The following SPIRE1 variants were observed in gnomAD, a reference collection of about 807,000 sequenced individuals.
SPIRE1 encodes the protein protein spire homolog 1.
SPIRE1 carries 40 observed loss-of-function variants against 94.1 expected under a neutral mutation model. The ratio of observed to expected loss-of-function variants is 0.43; its 90% CI spans 0.33 to 0.55. SPIRE1 has a LOEUF of 0.55. Among genes scored for constraint, SPIRE1 ranks in the 20% least tolerant of loss-of-function variants. The pLI is 0.06. For synonymous variants in SPIRE1, 376 were observed against 371.7 expected, an observed-to-expected ratio of 1.01 and a Z score of -0.13; for missense variants, 838 against 975.2, an observed-to-expected ratio of 0.86 and a Z score of 1.87.
At chr18:12,582,729 A>C (rs1409119324) in intron 2 of SPIRE1, among the ~76,000 whole-genome samples, 2 of 152,240 alleles carry the variant, frequency 1.3e-5, no homozygotes, top group African/African-American at 4.8e-5. Flanking sequence ...CCAGGTTATC[A>C]GTATTTTTTA....
intron 12 of SPIRE1, among the ~76,000 whole-genome samples, chr18:12,461,227 A>G (rs1039464660): frequency 5.3e-5 from 8 of 152,190 alleles, no homozygotes; most frequent in African/African-American, 1.9e-4. Context: ...CTAAGCTGAT[A>G]GTTCCTTTAC....
chr18:12,479,931 G>GGTAAC, intron 9 of SPIRE1, 60 bp from the exon 10 acceptor site: 42 of 1,502,116 alleles, frequency 2.8e-5, no homozygotes, highest in Non-Finnish European at 3.8e-5. Flanking sequence ...TGTGTTGGAA[G>GGTAAC]CATACCAGGT....
chr18:12,621,285 A>G, intron 2 of SPIRE1, among the ~76,000 whole-genome samples: 1 of 152,216 alleles, frequency 6.6e-6, no homozygotes. Flanking sequence ...ATGTCAAAAG[A>G]TAGAGTTACT....
chr18:12,515,034 G>A (rs2034156328), intron 4 of SPIRE1, among the ~76,000 whole-genome samples: 2 of 151,964 alleles, frequency 1.3e-5, no homozygotes, highest in African/African-American at 4.8e-5. Flanking sequence ...TGGAATGTGG[G>A]GTGGGGCTGA....
rs1192058736 is a variant in SPIRE1, at chr18:12,519,379, C to T, written c.730-6848G>A. On this transcript the variant is annotated intron_variant, in intron 4 of 16. Coordinates refer to ENST00000409402, the MANE Select transcript of SPIRE1 (RefSeq NM_001128626.2). ...ACGCACACACACACACGCAAACACT[C>T]TCTCTCTAACAAATGTCTCTGCTCT... Among the ~76,000 whole-genome samples, 3 of 150,354 alleles carry T rather than the reference C, an allele frequency of 2.0e-5. No homozygotes were observed. The South Asian group carries it at 6.2e-4, about 31-fold the overall frequency.
intron 2 of SPIRE1, among the ~76,000 whole-genome samples, chr18:12,548,305 A>G (rs2035231979): frequency 6.6e-6 from 1 of 152,226 alleles, no homozygotes; most frequent in South Asian, 2.1e-4. Flanking sequence ...CATCACAAAT[A>G]AAAAAGAAAG....
chr18:12,454,561 C>A lies in SPIRE1; in HGVS notation c.1639-78G>T. The A allele has an allele frequency of 7.4e-6, 10 of 1,344,904 alleles. No individual in the cohort carries two copies. In the South Asian group the frequency reaches 1.2e-4, roughly 16 times the overall value. The allele number at this position is 1,344,904 out of a possible 1,614,324, so 83.3% of individuals were successfully genotyped here. A position where few individuals can be genotyped will look rare whatever the true frequency, so the allele number is the denominator to read the frequency against. The stretch of plus-strand genomic sequence containing the variant: ...GTGCAAAATTTCCCTTCAGATCAGA[C>A]CCCTGATTAGTAGCTTCAGAGAAGA... On this transcript the variant is annotated intron_variant, in intron 12 of 16. Transcript: ENST00000409402.
intron 1 of SPIRE1, among the ~76,000 whole-genome samples, chr18:12,650,794 G>C (rs1261292386): frequency 6.7e-6 from 1 of 149,822 alleles, no homozygotes; most frequent in African/African-American, 2.5e-5. Flanking sequence ...TGGGAGGATT[G>C]CTTGAATCTG....
chr18:12,469,747 TATA>T (rs2143665838), intron 10 of SPIRE1, among the ~76,000 whole-genome samples: 1 of 144,730 alleles, frequency 6.9e-6, no homozygotes, highest in African/African-American at 2.5e-5. Flanking sequence ...TTATATATAA[TATA>T]ATTATATATA....
At chr18:12,548,240 C>T (rs1262673852) in intron 2 of SPIRE1, among the ~76,000 whole-genome samples, 1 of 152,174 alleles carries the variant, frequency 6.6e-6, no homozygotes, top group East Asian at 1.9e-4. Flanking sequence ...TAAATAAAAT[C>T]TTTCATTTTC....
At chr18:12,615,948 C>T (rs2037296120) in intron 2 of SPIRE1, among the ~76,000 whole-genome samples, 1 of 152,162 alleles carries the variant, frequency 6.6e-6, no homozygotes, top group South Asian at 2.1e-4. Context: ...TCATGAGTTG[C>T]AGAATTCTCT....
chr18:12,573,897 G>A (rs563316062), intron 2 of SPIRE1, among the ~76,000 whole-genome samples: 2 of 152,084 alleles, frequency 1.3e-5, no homozygotes, highest in South Asian at 4.2e-4. Flanking sequence ...CTGCCACCAC[G>A]CCCGGCTAAT....
At chr18:12,596,908 C>G (rs879457215) in intron 2 of SPIRE1, among the ~76,000 whole-genome samples, 5 of 145,666 alleles carry the variant, frequency 3.4e-5, no homozygotes, top group Non-Finnish European at 7.4e-5. Context: ...CTTCCTGTTT[C>G]CTCCTTCACC....
chr18:12,481,780 A>C (rs1308410125), intron 9 of SPIRE1, among the ~76,000 whole-genome samples: 1 of 152,206 alleles, frequency 6.6e-6, no homozygotes, highest in Non-Finnish European at 1.5e-5. Context: ...TAAAGGTAAA[A>C]ATCTTAAATC....
intron 2 of SPIRE1, among the ~76,000 whole-genome samples, chr18:12,549,540 C>T (rs564156373): frequency 1.5e-4 from 22 of 145,164 alleles, no homozygotes; most frequent in Admixed American, 9.1e-4. Flanking sequence ...CAATCTCCAC[C>T]TCCCGGGTTC....
At chr18:12,655,246 GAA>G (rs751300856) in intron 1 of SPIRE1, among the ~76,000 whole-genome samples, 7 of 148,634 alleles carry the variant, frequency 4.7e-5, no homozygotes, top group African/African-American at 1.2e-4. Flanking sequence ...AAGAAGAAAA[GAA>G]AAAGAGAGAG....
At chr18:12,640,951 A>G (rs1428053241) in intron 1 of SPIRE1, among the ~76,000 whole-genome samples, 3 of 152,222 alleles carry the variant, frequency 2.0e-5, no homozygotes, top group Admixed American at 6.5e-5. Flanking sequence ...TATAATGTGA[A>G]GAACGTAGTG....
chr18:12,602,380 T>C (rs1598517087), intron 2 of SPIRE1, among the ~76,000 whole-genome samples: 1 of 152,298 alleles, frequency 6.6e-6, no homozygotes, highest in East Asian at 1.9e-4. Context: ...ATGCTTGATG[T>C]TCATTTTTAA....
At chr18:12,564,174 C>T (rs2035758056) in intron 2 of SPIRE1, among the ~76,000 whole-genome samples, 2 of 152,140 alleles carry the variant, frequency 1.3e-5, no homozygotes, top group African/African-American at 4.8e-5. Context: ...AGCTCTATCA[C>T]ATACTCAAGG....
Sources: allele counts gnomAD v4.1 joint callset (sites outside exome capture counted in the v4.1 genomes callset), GRCh38; gene constraint gnomAD v4.1.1; transcripts MANE v1.5; gene names NCBI Gene and HGNC (gene_info 2026-07-23, HGNC 2026-07-21).